The following RYR2 variants were observed in gnomAD, a reference collection of about 807,000 sequenced individuals.
RYR2 encodes the protein ryanodine receptor 2.
In RYR2, 227 loss-of-function variants were observed where a neutral mutation model predicts 601.1. The ratio of observed to expected loss-of-function variants is 0.38; its 90% confidence interval spans 0.34 to 0.42. The LOEUF (loss-of-function observed/expected upper bound fraction) is 0.42. Among genes scored for constraint, RYR2 ranks in the 10% least tolerant of loss-of-function variants. The pLI is 1.00. For synonymous variants in RYR2, 2,223 were observed against 2,175.1 expected, an observed-to-expected ratio of 1.02 and a Z score of -0.61; for missense variants, 4,646 against 6,156.5, an observed-to-expected ratio of 0.75 and a Z score of 8.21.
At chr1:237,167,213 G>T (rs1676804614) in intron 1 of RYR2, among the ~76,000 whole-genome samples, 1 of 152,148 alleles carries the variant, frequency 6.6e-6, no homozygotes, top group Non-Finnish European at 1.5e-5. Context: ...AGATTTCCAG[G>T]GGTTGATTCT....
chr1:237,778,737 T>C lies in RYR2; in HGVS notation c.11847T>C (p.His3949=). Residue 3949 remains histidine (H), a synonymous_variant, in exon 88 of 105, where the codon CAT becomes CAC. Transcript: ENST00000366574. ...GGGATGCTGTGGTCGGCTTTCTTCA[T>C]GTGTTTGCCCATATGCAGATGAAGC... ...RLWDAVVGFL[H]VFAHMQMKLS... is the part of the protein sequence containing the mutation. 6.2e-7 allele frequency: 1 copy of C among 1,611,380 alleles called. No homozygotes were observed. Among genetic ancestry groups the C allele is most frequent in the East Asian group, 2.2e-5 (1 of 44,860 alleles).
At chr1:237,831,752 C>A (rs1663816819) in intron 104 of RYR2, among the ~76,000 whole-genome samples, 187 bp downstream of exon 104, 1 of 152,176 alleles carries the variant, frequency 6.6e-6, no homozygotes, top group Non-Finnish European at 1.5e-5. Context: ...AAGTAGAATT[C>A]TGTACTAAGT....
At chr1:237,768,264 A>T (rs1693996215) in intron 84 of RYR2, among the ~76,000 whole-genome samples, 1 of 152,206 alleles carries the variant, frequency 6.6e-6, no homozygotes, top group South Asian at 2.1e-4. Flanking sequence ...GCAGCTTGGC[A>T]TGATGTTTCC....
intron 62 of RYR2, among the ~76,000 whole-genome samples, chr1:237,684,404 AG>A (rs1558214864): frequency 1.3e-5 from 2 of 152,250 alleles, no homozygotes; most frequent in African/African-American, 2.4e-5. Context: ...GATGAGTGTC[AG>A]TGGAGACATC....
At chr1:237,395,407 G>A (rs2149892643) in intron 10 of RYR2, among the ~76,000 whole-genome samples, 1 of 152,244 alleles carries the variant, frequency 6.6e-6, no homozygotes, top group African/African-American at 2.4e-5. Flanking sequence ...GGGAATTGCA[G>A]GTGAGTAATT....
chr1:237,138,248 G>C (rs971930072), intron 1 of RYR2, among the ~76,000 whole-genome samples: 4 of 152,090 alleles, frequency 2.6e-5, no homozygotes, highest in African/African-American at 7.2e-5. Flanking sequence ...GCCCAGGCTG[G>C]TCTTGAACTC....
intron 10 of RYR2, among the ~76,000 whole-genome samples, chr1:237,407,765 C>T (rs1704055922): frequency 6.6e-6 from 1 of 151,828 alleles, no homozygotes; most frequent in South Asian, 2.1e-4. Flanking sequence ...TACAGGTGCC[C>T]ACCACCATGC....
intron 10 of RYR2, among the ~76,000 whole-genome samples, chr1:237,394,030 T>C (rs1295749579): frequency 6.6e-6 from 1 of 152,208 alleles, no homozygotes; most frequent in Admixed American, 6.5e-5. Flanking sequence ...AGACAATAGA[T>C]TAAAATCAAC....
intron 27 of RYR2, among the ~76,000 whole-genome samples, chr1:237,565,232 TTCTTTCTTTCTCTCTCTC>T (rs1671941958): frequency 6.7e-6 from 1 of 148,500 alleles, no homozygotes; most frequent in Admixed American, 6.8e-5. Context: ...TCTTTTGTCT[TTCTTTCTTTCTCTCTCTC>T]TCTTTCTTTC....
chr1:237,208,772 T>C (rs1682102777), intron 1 of RYR2, among the ~76,000 whole-genome samples: 1 of 151,628 alleles, frequency 6.6e-6, no homozygotes, highest in Admixed American at 6.6e-5. Context: ...TACAGTGTTA[T>C]TAACTACAGG....
intron 35 of RYR2, among the ~76,000 whole-genome samples, chr1:237,602,927 T>C (rs1676670503): frequency 6.6e-6 from 1 of 152,212 alleles, no homozygotes; most frequent in Non-Finnish European, 1.5e-5. Context: ...TGATACTGTC[T>C]ACATGGAAGA....
At chr1:237,608,006 G>A (rs1573084111) in intron 35 of RYR2, among the ~76,000 whole-genome samples, 1 of 152,166 alleles carries the variant, frequency 6.6e-6, no homozygotes, top group Non-Finnish European at 1.5e-5. Flanking sequence ...ACATACGTAT[G>A]CATACCTATA....
chr1:237,716,172 A>G (rs1356039776), intron 71 of RYR2, among the ~76,000 whole-genome samples: 2 of 152,110 alleles, frequency 1.3e-5, no homozygotes, highest in East Asian at 1.9e-4. Flanking sequence ...TCATTGCTAT[A>G]TGGTGACTCA....
chr1:237,192,061 T>C (rs1680021542), intron 1 of RYR2, among the ~76,000 whole-genome samples: 1 of 151,894 alleles, frequency 6.6e-6, no homozygotes. Context: ...ATATTCAGTA[T>C]GAAGATACTG....
At chr1:237,417,772 A>G (rs1174180368) in intron 11 of RYR2, among the ~76,000 whole-genome samples, 1 of 152,152 alleles carries the variant, frequency 6.6e-6, no homozygotes, top group Non-Finnish European at 1.5e-5. Context: ...GTTCCTGTAA[A>G]TGAATACAAT....
intron 60 of RYR2, among the ~76,000 whole-genome samples, chr1:237,677,072 T>C (rs1474483142): frequency 6.6e-6 from 1 of 152,172 alleles, no homozygotes; most frequent in Non-Finnish European, 1.5e-5. Flanking sequence ...AGCATTCTGA[T>C]ATTGCAAAAT....
chr1:237,055,420 C>T (rs561610314), intron 1 of RYR2, among the ~76,000 whole-genome samples: 4 of 152,186 alleles, frequency 2.6e-5, no homozygotes, highest in South Asian at 2.1e-4. Context: ...AGAGCGGGAC[C>T]GGAGCTGAGA....
intron 63 of RYR2, among the ~76,000 whole-genome samples, chr1:237,698,415 A>G (rs748268540): frequency 3.0e-4 from 45 of 151,766 alleles, no homozygotes; most frequent in Non-Finnish European, 5.6e-4. Flanking sequence ...TTTTTTTTAC[A>G]TGACGTTTTG....
intron 3 of RYR2, among the ~76,000 whole-genome samples, chr1:237,346,699 G>A (rs1223896018): frequency 1.3e-5 from 2 of 152,058 alleles, no homozygotes; most frequent in Non-Finnish European, 2.9e-5. Context: ...TAGGAAATTG[G>A]GCTAATGTTT....
Sources: gnomAD v4.1 joint callset for allele counts (sites outside exome capture counted in the v4.1 genomes callset) on GRCh38, gnomAD v4.1.1 for gene constraint, MANE v1.5 for transcripts, NCBI Gene and HGNC (gene_info 2026-07-23, HGNC 2026-07-21) for gene names.